ADCY3: variants seen among roughly 807,000 people sequenced by gnomAD.
ADCY3 encodes adenylate cyclase type 3.
A neutral mutation model predicts 119.4 loss-of-function variants in ADCY3; 70 were observed. That is an observed-to-expected ratio of 0.59 (90% CI 0.48 to 0.72). ADCY3 has a LOEUF of 0.72. ADCY3 is among the 30% of genes least tolerant of loss of function. The probability of loss-of-function intolerance (pLI) is 0.00; values close to 1 mark genes in which losing one functional copy is unlikely to be tolerated. For synonymous variants in ADCY3, 672 were observed against 621.4 expected (o/e 1.08, Z -1.21); for missense variants, 1,238 against 1,541.6 (o/e 0.80, Z 3.30).
chr2:24,867,520 C>T (rs534688072), intron 3 of ADCY3, among the ~76,000 whole-genome samples: 1 of 152,306 alleles, frequency 6.6e-6, no homozygotes, highest in Non-Finnish European at 1.5e-5. Context: ...ACTTCCCGGC[C>T]TCTAGAACTG....
At chr2:24,833,341 A>T (rs1313478918) in intron 11 of ADCY3, among the ~76,000 whole-genome samples, 1 of 152,288 alleles carries the variant, frequency 6.6e-6, no homozygotes, top group East Asian at 1.9e-4. Flanking sequence ...TCCAGGGGCC[A>T]GGCCACTCCA....
chr2:24,819,909 G>A lies in ADCY3; in HGVS notation c.*23C>T. ...AAAATAAATTCTCCCTTCCGGTTTG[G>A]ACTGTTGCAGGCTCGAGGCCATTCA... On this transcript the variant is annotated 3_prime_UTR_variant, in exon 22 of 22. Coordinates refer to ENST00000679454, the MANE Select transcript of ADCY3 (RefSeq NM_004036.5). 1 of 1,609,804 alleles carries A rather than the reference G, an allele frequency of 6.2e-7. No individual in the cohort carries two copies. The highest frequency in any genetic ancestry group is 8.5e-7 in the Non-Finnish European group (1 of 1,178,486).
At chr2:24,825,165 T>A (rs1558403653) in intron 16 of ADCY3, among the ~76,000 whole-genome samples, 1 of 152,122 alleles carries the variant, frequency 6.6e-6, no homozygotes, top group Non-Finnish European at 1.5e-5. Flanking sequence ...GGAGTCCCCC[T>A]TTCTAGCAGG....
intron 3 of ADCY3, among the ~76,000 whole-genome samples, chr2:24,869,997 T>C (rs911072757): frequency 6.6e-6 from 1 of 151,920 alleles, no homozygotes; most frequent in African/African-American, 2.4e-5. Flanking sequence ...GGGATTCACA[T>C]AGATTCCTTC....
chr2:24,847,937 G>C (rs1203115741), intron 3 of ADCY3, among the ~76,000 whole-genome samples: 1 of 152,224 alleles, frequency 6.6e-6, no homozygotes, highest in Non-Finnish European at 1.5e-5. Context: ...ATCCCAGCCC[G>C]CACTGGAGTG....
intron 2 of ADCY3, among the ~76,000 whole-genome samples, chr2:24,895,193 C>T (rs111772568): frequency 0.087 from 13,187 of 152,078 alleles, 1,818 homozygotes; most frequent in African/African-American, 0.3. Flanking sequence ...TGGGTTCAAG[C>T]GATTCTCCTG....
At chr2:24,821,057 C>CCA (rs1553330792) in intron 20 of ADCY3, 1 of 635,662 alleles carries the variant, frequency 1.6e-6, no homozygotes, top group African/African-American at 1.9e-5. Flanking sequence ...ACCCCCCCCC[C>CCA]ATATGCAGAT....
At chr2:24,839,722 G>A (rs34842915) in intron 7 of ADCY3, 151 bp downstream of exon 7, 47,439 of 1,160,038 alleles carry the variant, frequency 0.041, 1,199 homozygotes, top group Non-Finnish European at 0.05. Context: ...CCAGGGCCAG[G>A]ACCAGGGCGA....
chr2:24,855,043 C>T (rs946505233), intron 3 of ADCY3, among the ~76,000 whole-genome samples: 3 of 152,104 alleles, frequency 2.0e-5, no homozygotes, highest in Non-Finnish European at 4.4e-5. Flanking sequence ...GAGCGAGCCT[C>T]CATCCCGAAA....
chr2:24,899,853 A>T lies in ADCY3; in HGVS notation c.675+18460T>A, dbSNP rs1241024802. Among the ~76,000 whole-genome samples the T allele has an allele frequency of 6.6e-6, 1 of 152,218 alleles. No homozygotes were observed. Among genetic ancestry groups the T allele is most frequent in the East Asian group, 1.9e-4 (1 of 5,194 alleles). On this transcript the variant is annotated intron_variant, in intron 2 of 21. Transcript: ENST00000679454. This position sits in a 1 kb window ranked among gnomAD's most constrained non-coding sequence, Gnocchi z 4.5. ...GGCAATGGGTACCTATGAGAAGGGG[A>T]GCAAGGGAAGGAAGGAGGACTTTCA... is the stretch of plus-strand genomic sequence containing the variant.
rs1271420451 is a variant in ADCY3 at position 24,878,733 on chromosome 2, G to C, written c.676-6014C>G. Among the ~76,000 whole-genome samples the C allele has an allele frequency of 6.6e-6, 1 of 152,178 alleles. No homozygotes were observed. The highest frequency in any genetic ancestry group is 1.5e-5 in the Non-Finnish European group (1 of 68,034). On this transcript the variant is annotated intron_variant, in intron 2 of 21. Coordinates refer to ENST00000679454, the MANE Select transcript of ADCY3 (RefSeq NM_004036.5). The surrounding 1 kb of genome is among the most constrained non-coding windows in gnomAD (Gnocchi z 4.0). ...GCCTGTGAGGCCGCCACTCAGCACA[G>C]ATGGGTCCCACTTCTGGGGCCACTC...
chr2:24,827,833 G>A, intron 14 of ADCY3, 69 bp downstream of exon 14: 5 of 1,597,678 alleles, frequency 3.1e-6, no homozygotes, highest in Non-Finnish European at 4.3e-6. Flanking sequence ...AGGCCCATGA[G>A]CTTGAACTGA....
intron 3 of ADCY3, among the ~76,000 whole-genome samples, chr2:24,869,105 C>CTT (rs1482188958): frequency 3.3e-5 from 5 of 152,048 alleles, no homozygotes; most frequent in Middle Eastern, 3.2e-3. Flanking sequence ...CAGGCTAAAA[C>CTT]AATAAGCCTT....
rs1477795500 is a variant in ADCY3, at chr2:24,842,795, T to C, written c.826-411A>G. On this transcript the variant is annotated intron_variant, in intron 3 of 21. Coordinates refer to ENST00000679454, the MANE Select transcript of ADCY3 (RefSeq NM_004036.5). The surrounding 1 kb of genome is among the most constrained non-coding windows in gnomAD (Gnocchi z 4.9). ...AGCCATCGCTCACAAAATTCTGCTT[T>C]GACCTGATCAAAGACTGACAGCAGA... is the stretch of plus-strand genomic sequence containing the variant. Among the ~76,000 whole-genome samples, 1 of 152,196 alleles carries C rather than the reference T, an allele frequency of 6.6e-6. No individual in the cohort carries two copies. Among genetic ancestry groups the C allele is most frequent in the Non-Finnish European group, 1.5e-5 (1 of 68,042 alleles).
intron 3 of ADCY3, among the ~76,000 whole-genome samples, chr2:24,849,487 T>C (rs1184508002): frequency 6.6e-6 from 1 of 152,228 alleles, no homozygotes; most frequent in Non-Finnish European, 1.5e-5. Context: ...TTTCCATTTT[T>C]TTCCCTTATA....
chr2:24,844,667 A>C (rs1671462642), intron 3 of ADCY3, among the ~76,000 whole-genome samples: 1 of 152,164 alleles, frequency 6.6e-6, no homozygotes, highest in Admixed American at 6.5e-5. Flanking sequence ...CCTTGTGAGA[A>C]TCAGCTCTGC....
At position 24,918,288 on chromosome 2, in the gene ADCY3, T is replaced by TG; in HGVS notation, c.675+24dup. Reference sequence around the variant, plus strand: ...GTGAGAGCTGCAGGAGAGGACGCTGTGGGGGGACAGTGGGCAGGACTCACC... The same window carrying TG: ...GTGAGAGCTGCAGGAGAGGACGCTGTGGGGGGGACAGTGGGCAGGACTCACC... On this transcript the variant is annotated intron_variant, in intron 2 of 21. Coordinates refer to ENST00000679454, the MANE Select transcript of ADCY3 (RefSeq NM_004036.5). The surrounding 1 kb of genome is among the most constrained non-coding windows in gnomAD (Gnocchi z 5.4). 6.5e-7 allele frequency: 1 copy of TG among 1,529,276 alleles called. No individual in the cohort carries two copies. Among genetic ancestry groups the TG allele is most frequent in the Non-Finnish European group, 8.8e-7 (1 of 1,139,922 alleles). The allele number at this position is 1,529,276 out of a possible 1,614,324, so 94.7% of individuals were successfully genotyped here.
chr2:24,844,116 A>G (rs1358846759), intron 3 of ADCY3, among the ~76,000 whole-genome samples: 1 of 152,220 alleles, frequency 6.6e-6, no homozygotes, highest in Non-Finnish European at 1.5e-5. Context: ...CGCAGCAGGC[A>G]CAGGGGGAGG....
In ADCY3 at chr2:24,918,911, G is replaced by C; in HGVS notation, c.77C>G (p.Ser26Cys). The C allele has an allele frequency of 1.2e-6, 2 of 1,612,710 alleles. No individual in the cohort carries two copies. Among genetic ancestry groups the C allele is most frequent in the Non-Finnish European group, 8.5e-7 (1 of 1,179,988 alleles). The change falls in exon 2 of 22, where the codon TCC (serine) becomes TGC (cysteine). Residue 26 changes from serine to cysteine, a missense_variant. Coordinates refer to ENST00000679454, the MANE Select transcript of ADCY3 (RefSeq NM_004036.5). The surrounding 1 kb of genome is among the most constrained non-coding windows in gnomAD (Gnocchi z 5.4). ...CCGGCCCACCCCGCGGTCAGGGTCG[G>C]AGGGCAGGCTGACGGAGTACTCGGC... ...YSAEYSVSLPSDPDRGVGRTH... is the reference protein window; with the variant it reads ...YSAEYSVSLPCDPDRGVGRTH...
Sources: allele counts gnomAD v4.1 joint callset (sites outside exome capture counted in the v4.1 genomes callset), GRCh38; gene constraint gnomAD v4.1.1; non-coding constraint Gnocchi (gnomAD v3.1); transcripts MANE v1.5; gene names NCBI Gene and HGNC (gene_info 2026-07-23, HGNC 2026-07-21).